Variants in PAX3 observed in about 807,000 individuals in gnomAD.
PAX3 encodes the protein paired box 3, also known as paired box protein Pax-3.
In PAX3, 14 loss-of-function variants were observed where a neutral mutation model predicts 51.6. The observed-to-expected ratio is 0.27, with a 90% confidence interval of 0.18 to 0.42. The LOEUF (loss-of-function observed/expected upper bound fraction) is 0.42, where lower values mean the gene tolerates loss of function less well. Ranked by LOEUF, PAX3 falls within the 10% of genes least tolerant of loss-of-function variation. The pLI is 1.00. For missense variants in PAX3, 540 were observed against 642.8 expected (o/e 0.84, Z 1.73); for synonymous variants, 280 against 253.4 (o/e 1.11, Z -1.00).
At chr2:222,292,182 C>T (rs751947204) in intron 4 of PAX3, among the ~76,000 whole-genome samples, 6 of 152,202 alleles carry the variant, frequency 3.9e-5, no homozygotes, top group Non-Finnish European at 8.8e-5. Context: ...TAAAACTTCC[C>T]GGCGCAGCAG....
At chr2:222,256,552 C>G (rs989258229) in intron 4 of PAX3, among the ~76,000 whole-genome samples, 5 of 152,060 alleles carry the variant, frequency 3.3e-5, no homozygotes, top group Non-Finnish European at 7.4e-5. Context: ...CCCAGAGACT[C>G]GGAAACTGCT....
chr2:222,232,815 G>A (rs944634050), intron 4 of PAX3, among the ~76,000 whole-genome samples: 2 of 152,098 alleles, frequency 1.3e-5, no homozygotes, highest in African/African-American at 4.8e-5. Flanking sequence ...TACCTAAGAA[G>A]CGAGTAACAG....
chr2:222,252,956 A>G (rs183122058), intron 4 of PAX3, among the ~76,000 whole-genome samples: 3 of 152,280 alleles, frequency 2.0e-5, no homozygotes, highest in Admixed American at 6.5e-5. Context: ...GACCTCTGAC[A>G]TGAACCACCA....
chr2:222,263,785 T>C (rs1449138811), intron 4 of PAX3: 3 of 152,182 alleles, frequency 2.0e-5, no homozygotes, highest in Non-Finnish European at 4.4e-5. Flanking sequence ...ACCCATTCAG[T>C]AGAATACTAC....
intron 2 of PAX3, among the ~76,000 whole-genome samples, chr2:222,296,252 T>A (rs966458057): frequency 6.6e-6 from 1 of 152,248 alleles, no homozygotes; most frequent in Non-Finnish European, 1.5e-5. Flanking sequence ...GCTGTGAAAG[T>A]GTTTCAGTAG....
intron 4 of PAX3, among the ~76,000 whole-genome samples, chr2:222,233,644 T>C (rs1437210706): frequency 6.6e-6 from 1 of 151,944 alleles, no homozygotes; most frequent in African/African-American, 2.4e-5. Context: ...AGAGCAGCCC[T>C]CTCCCGGGAC....
intron 4 of PAX3, among the ~76,000 whole-genome samples, chr2:222,253,223 T>C (rs1165675393): frequency 6.6e-6 from 1 of 152,206 alleles, no homozygotes; most frequent in Non-Finnish European, 1.5e-5. Flanking sequence ...ATTCCCTGTC[T>C]GTGAAGGAGT....
At chr2:222,273,131 A>C (rs996613550) in intron 4 of PAX3, among the ~76,000 whole-genome samples, 2 of 152,242 alleles carry the variant, frequency 1.3e-5, no homozygotes, top group Admixed American at 6.5e-5. Flanking sequence ...GTGTGTGCTT[A>C]AAGTTACACC....
In PAX3 at chr2:222,257,679, T is replaced by C. The variant is rs530543763; in HGVS notation, c.587-25396A>G. Among the ~76,000 whole-genome samples the C allele has an allele frequency of 3.3e-5, 5 of 152,348 alleles. No homozygotes were observed. The South Asian group carries it at 1.0e-3, about 32-fold the overall frequency. The stretch of plus-strand genomic sequence containing the variant: ...TATGATATGTTCTCCCAGGGAATTA[T>C]GCTTAAGAAAATAAAACAATAAAGA... On this transcript the variant is annotated intron_variant, in intron 4 of 8. Transcript: ENST00000392070.
At chr2:222,269,498 G>T (rs1024039548) in intron 4 of PAX3, among the ~76,000 whole-genome samples, 4 of 152,180 alleles carry the variant, frequency 2.6e-5, no homozygotes, top group Admixed American at 2.6e-4. Context: ...AAGGCTTCGT[G>T]AAGAGGAGGC....
At chr2:222,254,198 A>G (rs1693548968) in intron 4 of PAX3, among the ~76,000 whole-genome samples, 2 of 152,186 alleles carry the variant, frequency 1.3e-5, no homozygotes, top group Admixed American at 6.5e-5. Flanking sequence ...CAGACATGTT[A>G]GATGGTTAAC....
At chr2:222,271,861 A>G (rs1288799387) in intron 4 of PAX3, among the ~76,000 whole-genome samples, 4 of 152,226 alleles carry the variant, frequency 2.6e-5, no homozygotes, top group Non-Finnish European at 5.9e-5. Context: ...TCCACATGAA[A>G]GAAGCCTTCT....
At chr2:222,291,456 G>A (rs958099124) in intron 4 of PAX3, among the ~76,000 whole-genome samples, 1 of 152,222 alleles carries the variant, frequency 6.6e-6, no homozygotes, top group South Asian at 2.1e-4. Context: ...TGAATTGAGC[G>A]AGGGAAAAGG....
chr2:222,207,678 T>C (rs1289006373), intron 7 of PAX3, among the ~76,000 whole-genome samples: 3 of 152,190 alleles, frequency 2.0e-5, no homozygotes, highest in South Asian at 2.1e-4. Context: ...ATCACAGAGA[T>C]AGCTTATTTT....
chr2:222,200,942 A>T lies in PAX3; in HGVS notation c.*466T>A, dbSNP rs1477750955. ...TGAGCAGTTTTAAAGTTGTAGAAGT[A>T]TCAGCATCGAACATCGACATGTTAT... On this transcript the variant is annotated 3_prime_UTR_variant, in exon 9 of 9. Coordinates refer to ENST00000392070, the MANE Select transcript of PAX3 (RefSeq NM_181458.4). 1 of 574,928 alleles carries T rather than the reference A, an allele frequency of 1.7e-6. No homozygotes were observed. The highest frequency in any genetic ancestry group is 3.0e-5 in the Admixed American group (1 of 33,054). 35.6% of individuals were successfully genotyped at this position (574,928 alleles called of 1,614,324 possible). A position where few individuals can be genotyped will look rare whatever the true frequency, so the allele number is the denominator to read the frequency against.
rs556844210 is a variant in PAX3, at chr2:222,220,486, G to A, written c.959-132C>T. 3.1e-4 allele frequency: 261 copies of A among 844,958 alleles called. 2 individuals carry two copies. The South Asian group carries it at 3.6e-3, about 12-fold the overall frequency. 52.3% of individuals were successfully genotyped at this position (844,958 alleles called of 1,614,324 possible). A position where few individuals can be genotyped will look rare whatever the true frequency, so the allele number is the denominator to read the frequency against. ...AAATCAAATGTTCACTTCAAACTGC[G>A]TTTCTTAACCTGCAGGTGTAGAATC... On this transcript the variant is annotated intron_variant, in intron 6 of 8. Coordinates refer to ENST00000392070, the MANE Select transcript of PAX3 (RefSeq NM_181458.4).
chr2:222,264,950 A>AAT (rs1559295740), intron 4 of PAX3: 1 of 152,144 alleles, frequency 6.6e-6, no homozygotes, highest in African/African-American at 2.4e-5. Context: ...CTCATTAGTC[A>AAT]TCCTCTAACA....
chr2:222,255,387 T>C (rs534085444), intron 4 of PAX3, among the ~76,000 whole-genome samples: 2 of 152,300 alleles, frequency 1.3e-5, no homozygotes, highest in African/African-American at 4.8e-5. Context: ...ATGCAAATCA[T>C]CTACCAGCAC....
chr2:222,298,717 C>T lies in PAX3; in HGVS notation c.-102G>A. The T allele has an allele frequency of 8.5e-7, 1 of 1,176,366 alleles. No individual in the cohort carries two copies. The allele number at this position is 1,176,366 out of a possible 1,614,324, so 72.9% of individuals were successfully genotyped here. A position where few individuals can be genotyped will look rare whatever the true frequency, so the allele number is the denominator to read the frequency against. On this transcript the variant is annotated 5_prime_UTR_variant, in exon 1 of 9. Transcript: ENST00000392070. ...CGGGAACTATCCGGAGCGTGGAGAG[C>T]CCCTCCCCAAAACGGCTGGAGAGAG...
Sources: gnomAD v4.1 joint callset for allele counts (sites outside exome capture counted in the v4.1 genomes callset) on GRCh38, gnomAD v4.1.1 for gene constraint, MANE v1.5 for transcripts, NCBI Gene and HGNC (gene_info 2026-07-23, HGNC 2026-07-21) for gene names.